Variants in TSNARE1 observed in about 807,000 individuals in gnomAD.
The protein encoded by TSNARE1 is t-SNARE domain containing 1.
In TSNARE1, 49 loss-of-function variants were observed where a neutral mutation model predicts 62.0. That is an observed-to-expected ratio of 0.79 (90% CI 0.63 to 1.00). TSNARE1 has a LOEUF of 1.00. TSNARE1 is among the 50% of genes least tolerant of loss of function. TSNARE1 has a pLI of 0.00. For synonymous variants in TSNARE1, 328 were observed against 294.4 expected (o/e 1.11, Z -1.17); for missense variants, 755 against 700.1 (o/e 1.08, Z -0.88).
At chr8:142,237,994 G>A (rs563629577) in intron 12 of TSNARE1, among the ~76,000 whole-genome samples, 14 of 149,072 alleles carry the variant, frequency 9.4e-5, no homozygotes, top group South Asian at 2.3e-4. Flanking sequence ...CACGCCACCC[G>A]CCCAGGTCTC....
chr8:142,285,374 G>A (rs905815419), intron 10 of TSNARE1, among the ~76,000 whole-genome samples: 2 of 140,226 alleles, frequency 1.4e-5, no homozygotes, highest in Non-Finnish European at 3.2e-5. Flanking sequence ...GTGGGTAGAT[G>A]TATGGATGGG....
intron 11 of TSNARE1, chr8:142,279,895 G>C: frequency 9.6e-7 from 1 of 1,039,262 alleles, no homozygotes; most frequent in South Asian, 2.8e-5. Flanking sequence ...CTCGCCTTGG[G>C]GACCGTGGGC....
At chr8:142,241,529 A>G (rs1373085018) in intron 12 of TSNARE1, among the ~76,000 whole-genome samples, 2 of 152,234 alleles carry the variant, frequency 1.3e-5, no homozygotes, top group African/African-American at 4.8e-5. Flanking sequence ...ATGGAACCAC[A>G]AAAGACCTCA....
intron 1 of TSNARE1, among the ~76,000 whole-genome samples, chr8:142,358,472 C>T (rs951551332): frequency 2.0e-5 from 3 of 151,714 alleles, no homozygotes; most frequent in South Asian, 4.2e-4. Flanking sequence ...GGCTGCCCAA[C>T]TCCCCTCTGC....
At chr8:142,328,946 C>T (rs571870612) in intron 6 of TSNARE1, among the ~76,000 whole-genome samples, 1 of 152,244 alleles carries the variant, frequency 6.6e-6, no homozygotes, top group South Asian at 2.1e-4. Flanking sequence ...GGTGGAAGGA[C>T]CACCCTTCCT....
chr8:142,277,482 C>A (rs897663761), intron 11 of TSNARE1: 9 of 985,454 alleles, frequency 9.1e-6, no homozygotes, highest in Non-Finnish European at 1.1e-5. Context: ...CAGGCAGTGC[C>A]GCTGCAGAGC....
intron 10 of TSNARE1, among the ~76,000 whole-genome samples, chr8:142,286,157 C>G (rs1822710142): frequency 6.6e-6 from 1 of 152,160 alleles, no homozygotes; most frequent in Admixed American, 6.5e-5. Context: ...CAGGTTTGCT[C>G]ACTTATCACC....
At chr8:142,229,614 G>C (rs778549751) in intron 12 of TSNARE1, 35 bp from the exon 13 acceptor site, 2 of 1,599,450 alleles carry the variant, frequency 1.3e-6, no homozygotes, top group East Asian at 4.5e-5. Context: ...CCATATCCTG[G>C]TCCTCCAACC....
intron 12 of TSNARE1, among the ~76,000 whole-genome samples, chr8:142,258,299 G>A (rs1300210048): frequency 3.9e-5 from 6 of 152,114 alleles, no homozygotes; most frequent in Non-Finnish European, 7.4e-5. Flanking sequence ...ACACACACAC[G>A]GATGCATGCA....
At chr8:142,222,595 T>TTCATCCACTGAC (rs144996382) in intron 13 of TSNARE1, among the ~76,000 whole-genome samples, 60,936 of 66,842 alleles carry the variant, frequency 0.91, 28,227 homozygotes, top group Middle Eastern at 0.98. Flanking sequence ...CACTCACTCA[T>TTCATCCACTGAC]TCATCCACTC....
chr8:142,399,382 G>A (rs774727423), intron 1 of TSNARE1, among the ~76,000 whole-genome samples: 4 of 152,334 alleles, frequency 2.6e-5, no homozygotes, highest in South Asian at 2.1e-4. Flanking sequence ...GTTCAGAGAC[G>A]CACAGCTCCC....
chr8:142,356,547 G>A (rs1005716444), intron 1 of TSNARE1, among the ~76,000 whole-genome samples: 2 of 152,222 alleles, frequency 1.3e-5, no homozygotes, highest in African/African-American at 2.4e-5. Flanking sequence ...GAAAAGCTCA[G>A]ATGTGGAAGA....
intron 9 of TSNARE1, among the ~76,000 whole-genome samples, chr8:142,303,984 C>T (rs186398103): frequency 3.3e-5 from 5 of 152,354 alleles, no homozygotes. Flanking sequence ...GGGCACCTTG[C>T]CCAGGTCCTG....
chr8:142,377,673 C>G lies in TSNARE1; in HGVS notation c.-39-22910G>C, dbSNP rs150619455. On this transcript the variant is annotated intron_variant, in intron 1 of 13. Transcript: ENST00000524325. ...GGGGGAACGGCAGGGACCCCAGCCT[C>G]AGACACAGCTTGTGGGGGTGCGAAG... Among the ~76,000 whole-genome samples the G allele has an allele frequency of 1.6e-3, 237 of 152,318 alleles. 2 individuals carry two copies. The highest frequency in any genetic ancestry group is 5.4e-3 in the African/African-American group (224 of 41,566).
chr8:142,387,221 G>A (rs1837171194), intron 1 of TSNARE1, among the ~76,000 whole-genome samples: 2 of 152,046 alleles, frequency 1.3e-5, no homozygotes, highest in African/African-American at 4.8e-5. Flanking sequence ...GAACCAAAAA[G>A]AAAATACAAA....
intron 4 of TSNARE1, among the ~76,000 whole-genome samples, chr8:142,343,356 T>C (rs181522454): frequency 1.3e-4 from 20 of 151,918 alleles, no homozygotes; most frequent in African/African-American, 4.8e-4. Flanking sequence ...TTTTCTTTCA[T>C]GAGTAGCACA....
intron 6 of TSNARE1, chr8:142,325,961 G>T (rs563955923): frequency 4.4e-5 from 7 of 158,824 alleles, no homozygotes; most frequent in African/African-American, 1.8e-4. Flanking sequence ...ACCAGCACCA[G>T]CGAAGGGGAG....
intron 11 of TSNARE1, among the ~76,000 whole-genome samples, chr8:142,280,750 G>A (rs567415706): frequency 4.6e-5 from 7 of 152,310 alleles, no homozygotes; most frequent in African/African-American, 9.6e-5. Context: ...AGGTGGCCAG[G>A]GGCAGAAATG....
chr8:142,275,745 T>A lies in TSNARE1; in HGVS notation c.1364-882A>T. On this transcript the variant is annotated intron_variant, in intron 11 of 13. Coordinates refer to ENST00000524325, the MANE Select transcript of TSNARE1 (RefSeq NM_145003.5). ...GGAGTATCTAAACAAACTGTGCACC[T>A]GCAGTGCCTACCAGGGCACAGACCT... The A allele has an allele frequency of 3.0e-6, 3 of 985,350 alleles. No individual in the cohort carries two copies. In the South Asian group the frequency reaches 1.4e-4, roughly 46 times the overall value. 61.0% of individuals were successfully genotyped at this position (985,350 alleles called of 1,614,324 possible).
Sources: allele counts gnomAD v4.1 joint callset (sites outside exome capture counted in the v4.1 genomes callset), GRCh38; gene constraint gnomAD v4.1.1; transcripts MANE v1.5; gene names NCBI Gene and HGNC (gene_info 2026-07-23, HGNC 2026-07-21).